Variants in NF1 observed in about 807,000 individuals in gnomAD.
NF1 encodes neurofibromin.
A neutral mutation model predicts 325.7 loss-of-function variants in NF1; 122 were observed. The observed-to-expected ratio is 0.37, with a 90% CI of 0.32 to 0.44. The LOEUF is 0.44. Ranked by LOEUF, NF1 falls within the 20% of genes least tolerant of loss-of-function variation. The probability of loss-of-function intolerance (pLI) is 1.00; values close to 1 mark genes in which losing one functional copy is unlikely to be tolerated. For synonymous variants in NF1, 1,091 were observed against 1,186.0 expected, an observed-to-expected ratio of 0.92 and a Z score of 1.65; for missense variants, 2,140 against 3,415.4, an observed-to-expected ratio of 0.63 and a Z score of 9.31.
chr17:31,318,639 G>C, intron 36 of NF1: 1 of 1,614,072 alleles, frequency 6.2e-7, no homozygotes, highest in Non-Finnish European at 8.5e-7. Flanking sequence ...TTTCCGCACA[G>C]ACATCCTTTT....
intron 1 of NF1, among the ~76,000 whole-genome samples, chr17:31,151,679 C>T (rs899524156): frequency 6.6e-6 from 1 of 152,048 alleles, no homozygotes; most frequent in Non-Finnish European, 1.5e-5. Context: ...ATACTTAATA[C>T]AATGTAATAC....
chr17:31,319,123 A>ATG, intron 36 of NF1: 2 of 1,270,410 alleles, frequency 1.6e-6, no homozygotes, highest in Non-Finnish European at 2.2e-6. Flanking sequence ...TTACAAGTAA[A>ATG]CTACAAGCTT....
intron 1 of NF1, among the ~76,000 whole-genome samples, chr17:31,111,647 T>G (rs1913425349): frequency 1.3e-5 from 2 of 152,172 alleles, no homozygotes; most frequent in South Asian, 4.1e-4. Flanking sequence ...GAATTCTACC[T>G]TCAGCAGAAA....
chr17:31,144,480 A>G (rs1164212293), intron 1 of NF1, among the ~76,000 whole-genome samples: 1 of 152,158 alleles, frequency 6.6e-6, no homozygotes, highest in Non-Finnish European at 1.5e-5. Context: ...TGTGCTCACA[A>G]TTTTTGGGGG....
intron 36 of NF1, among the ~76,000 whole-genome samples, chr17:31,298,891 C>T (rs574469274): frequency 1.5e-4 from 23 of 152,142 alleles, no homozygotes; most frequent in Admixed American, 1.2e-3. Context: ...TTTAGGAAAC[C>T]TCATTAAGTC....
intron 29 of NF1, among the ~76,000 whole-genome samples, chr17:31,248,071 C>G (rs533824213): frequency 6.6e-6 from 1 of 151,794 alleles, no homozygotes; most frequent in Non-Finnish European, 1.5e-5. Flanking sequence ...GCGTGGTGGC[C>G]CATGCCTGTA....
chr17:31,307,928 T>A, intron 36 of NF1: 2 of 1,288,930 alleles, frequency 1.6e-6, no homozygotes, highest in Non-Finnish European at 2.0e-6. Flanking sequence ...CTTACTCCTC[T>A]ACCACTTGGT....
intron 8 of NF1, among the ~76,000 whole-genome samples, chr17:31,197,225 T>A (rs1424594279): frequency 6.6e-6 from 1 of 152,022 alleles, no homozygotes; most frequent in East Asian, 1.9e-4. Flanking sequence ...TTTTTGTATT[T>A]TTAGTAGAAA....
intron 48 of NF1, 130 bp downstream of exon 48, chr17:31,343,265 C>A: frequency 4.4e-6 from 4 of 903,584 alleles, no homozygotes; most frequent in Non-Finnish European, 5.1e-6. Flanking sequence ...GCAAACTAGG[C>A]CAGGCGTGGT....
chr17:31,244,628 G>A (rs1352731368), intron 29 of NF1, among the ~76,000 whole-genome samples: 2 of 152,108 alleles, frequency 1.3e-5, no homozygotes, highest in African/African-American at 2.4e-5. Flanking sequence ...CATAATCACT[G>A]TGCTGTCCGT....
At chr17:31,232,600 G>A in intron 25 of NF1, 100 bp from the exon 26 acceptor site, 1 of 1,132,504 alleles carries the variant, frequency 8.8e-7, no homozygotes, top group Non-Finnish European at 1.3e-6. Context: ...TTAACCCAGG[G>A]CCATTCACAC....
At chr17:31,338,895 T>A in intron 46 of NF1, 90 bp downstream of exon 46, 1 of 888,784 alleles carries the variant, frequency 1.1e-6, no homozygotes, top group Non-Finnish European at 1.9e-6. Flanking sequence ...ATAAGATGAA[T>A]TGAGAATAAG....
chr17:31,295,013 A>G (rs775711045), intron 36 of NF1: 5 of 1,613,998 alleles, frequency 3.1e-6, no homozygotes, highest in Non-Finnish European at 3.4e-6. Context: ...AGACCCTCAG[A>G]CAGCCAGCAT....
chr17:31,260,260 A>G (rs959122635), intron 33 of NF1, 109 bp from the exon 34 acceptor site: 7 of 1,147,576 alleles, frequency 6.1e-6, no homozygotes, highest in East Asian at 4.8e-5. Flanking sequence ...CAAGCCCTCC[A>G]TATTTGTAAT....
At chr17:31,367,833 TTCTACAAA>T (rs1325542079) in intron 57 of NF1, among the ~76,000 whole-genome samples, 1 of 151,968 alleles carries the variant, frequency 6.6e-6, no homozygotes, top group Non-Finnish European at 1.5e-5. Flanking sequence ...AAAACCCTCT[TTCTACAAA>T]AAATACAAAA....
intron 36 of NF1, among the ~76,000 whole-genome samples, chr17:31,310,246 C>T (rs534734317): frequency 6.6e-6 from 1 of 150,698 alleles, no homozygotes; most frequent in African/African-American, 2.4e-5. Context: ...CAAAGAAATA[C>T]AAAATAACAC....
At chr17:31,102,805 C>A (rs912209709) in intron 1 of NF1, among the ~76,000 whole-genome samples, 2 of 150,306 alleles carry the variant, frequency 1.3e-5, no homozygotes, top group African/African-American at 4.9e-5. Flanking sequence ...CAATATATAC[C>A]TTACTTTAGT....
At chr17:31,208,806 G>A (rs1269065880) in intron 12 of NF1, among the ~76,000 whole-genome samples, 2 of 152,008 alleles carry the variant, frequency 1.3e-5, no homozygotes, top group South Asian at 2.1e-4. Flanking sequence ...CAGAAGAATC[G>A]CTTGAACCTG....
intron 36 of NF1, among the ~76,000 whole-genome samples, chr17:31,312,104 T>A (rs1567888997): frequency 6.6e-6 from 1 of 152,154 alleles, no homozygotes; most frequent in Non-Finnish European, 1.5e-5. Context: ...TTTATGTTTC[T>A]CAATTCAAAC....
Sources: gnomAD v4.1 joint callset for allele counts (sites outside exome capture counted in the v4.1 genomes callset) on GRCh38, gnomAD v4.1.1 for gene constraint, MANE v1.5 for transcripts, NCBI Gene and HGNC (gene_info 2026-07-23, HGNC 2026-07-21) for gene names.